PRKACB: variants seen among roughly 807,000 people sequenced by gnomAD.
The protein encoded by PRKACB is cAMP-dependent protein kinase catalytic subunit beta.
Under a neutral mutation model 51.4 loss-of-function variants are expected in PRKACB, and 16 were observed. The ratio of observed to expected loss-of-function variants is 0.31; its 90% CI spans 0.21 to 0.47. The LOEUF is 0.47. Ranked by LOEUF, PRKACB falls within the 20% of genes least tolerant of loss-of-function variation. The pLI is 1.00. For synonymous variants in PRKACB, 147 were observed against 154.4 expected (o/e 0.95, Z 0.35); for missense variants, 309 against 464.5 (o/e 0.67, Z 3.08).
intron 8 of PRKACB, among the ~76,000 whole-genome samples, chr1:84,206,015 C>A (rs971689605): frequency 2.6e-5 from 4 of 152,054 alleles, no homozygotes; most frequent in African/African-American, 9.7e-5. Flanking sequence ...CAGTTATGGT[C>A]TCTATAGCAC....
chr1:84,186,729 G>C (rs1163798521), intron 5 of PRKACB, among the ~76,000 whole-genome samples: 1 of 152,046 alleles, frequency 6.6e-6, no homozygotes, highest in African/African-American at 2.4e-5. Context: ...GACTTGTTCT[G>C]GTTGTCTCTG....
intron 1 of PRKACB, among the ~76,000 whole-genome samples, chr1:84,093,524 TAGA>T (rs1648684381): frequency 6.6e-6 from 1 of 152,054 alleles, no homozygotes; most frequent in African/African-American, 2.4e-5. Flanking sequence ...AACTTTATAA[TAGA>T]AGTCATCATA....
chr1:84,161,422 T>C (rs1049174123), intron 1 of PRKACB, among the ~76,000 whole-genome samples: 7 of 151,818 alleles, frequency 4.6e-5, no homozygotes, highest in African/African-American at 1.2e-4. Context: ...TCTGATAATT[T>C]CTGCCTTTTG....
At chr1:84,136,490 C>T (rs551450014) in intron 1 of PRKACB, among the ~76,000 whole-genome samples, 1 of 146,650 alleles carries the variant, frequency 6.8e-6, no homozygotes, top group African/African-American at 2.5e-5. Flanking sequence ...ACGGCCAAAA[C>T]CACACACACA....
chr1:84,181,011 CT>C (rs1341132645), intron 2 of PRKACB, among the ~76,000 whole-genome samples: 3 of 151,760 alleles, frequency 2.0e-5, no homozygotes, highest in Non-Finnish European at 4.4e-5. Context: ...ATTATAAGAG[CT>C]TTCTGTGTTG....
intron 8 of PRKACB, among the ~76,000 whole-genome samples, chr1:84,203,935 C>T (rs1044969871): frequency 6.6e-6 from 1 of 151,942 alleles, no homozygotes; most frequent in Admixed American, 6.6e-5. Context: ...AGTGTGAAAG[C>T]TTACCCTTGG....
At chr1:84,176,577 A>G (rs1661346631) in intron 1 of PRKACB, among the ~76,000 whole-genome samples, 1 of 150,216 alleles carries the variant, frequency 6.7e-6, no homozygotes, top group African/African-American at 2.4e-5. Flanking sequence ...AAAACTAGAG[A>G]TTTCATATGT....
At chr1:84,132,240 T>A (rs981170284) in intron 1 of PRKACB, among the ~76,000 whole-genome samples, 1 of 151,998 alleles carries the variant, frequency 6.6e-6, no homozygotes, top group Non-Finnish European at 1.5e-5. Flanking sequence ...AGCTCTGGTA[T>A]AATAACAATG....
intron 1 of PRKACB, among the ~76,000 whole-genome samples, chr1:84,083,235 G>A (rs1282912081): frequency 6.6e-6 from 1 of 152,136 alleles, no homozygotes; most frequent in African/African-American, 2.4e-5. Context: ...AGGTACTGGG[G>A]AAGTCTTTCT....
chr1:84,192,091 T>G (rs1666971628), intron 5 of PRKACB, among the ~76,000 whole-genome samples: 1 of 152,106 alleles, frequency 6.6e-6, no homozygotes, highest in African/African-American at 2.4e-5. Context: ...AATCATGAGA[T>G]AGTAAAACAA....
chr1:84,144,184 A>G (rs559810767), upstream of PRKACB: 164 of 1,258,600 alleles, frequency 1.3e-4, no homozygotes, highest in South Asian at 2.9e-3. Flanking sequence ...TGTTTTGCTA[A>G]GAAAAGCTCA....
intron 1 of PRKACB, among the ~76,000 whole-genome samples, chr1:84,104,515 G>A (rs1649585005): frequency 6.6e-6 from 1 of 152,030 alleles, no homozygotes; most frequent in Non-Finnish European, 1.5e-5. Flanking sequence ...GGGATTGCTG[G>A]ATTATATCTT....
At chr1:84,164,660 A>G (rs1170773165) in intron 1 of PRKACB, 2 of 1,396,764 alleles carry the variant, frequency 1.4e-6, no homozygotes, top group Non-Finnish European at 1.9e-6. Context: ...AATTGAGAAC[A>G]TCTTATACAT....
intron 1 of PRKACB, among the ~76,000 whole-genome samples, chr1:84,174,351 C>T (rs1219788966): frequency 6.6e-6 from 1 of 151,882 alleles, no homozygotes; most frequent in Non-Finnish European, 1.5e-5. Context: ...GCTGTATTCT[C>T]TATTATGCCT....
chr1:84,189,645 G>T (rs1485255674), intron 5 of PRKACB, among the ~76,000 whole-genome samples: 1 of 151,856 alleles, frequency 6.6e-6, no homozygotes, highest in Admixed American at 6.6e-5. Flanking sequence ...TTTACCTCAA[G>T]AAATGGAATT....
chr1:84,211,823 C>T (rs1457885480), intron 8 of PRKACB, among the ~76,000 whole-genome samples: 1 of 152,042 alleles, frequency 6.6e-6, no homozygotes, highest in African/African-American at 2.4e-5. Flanking sequence ...AAGTGTTTAG[C>T]ATAATGCCTA....
At chr1:84,124,095 T>G (rs1189713195) in intron 1 of PRKACB, among the ~76,000 whole-genome samples, 1 of 152,170 alleles carries the variant, frequency 6.6e-6, no homozygotes, top group African/African-American at 2.4e-5. Flanking sequence ...TTGAAGAAAT[T>G]AATCAATTTA....
intron 1 of PRKACB, among the ~76,000 whole-genome samples, chr1:84,119,674 C>T (rs1650908437): frequency 1.3e-5 from 2 of 152,042 alleles, no homozygotes. Context: ...AAGTTAATGA[C>T]CACGCCTTAT....
chr1:84,131,371 G>T (rs1264826254), intron 1 of PRKACB, among the ~76,000 whole-genome samples: 1 of 150,526 alleles, frequency 6.6e-6, no homozygotes, highest in Non-Finnish European at 1.5e-5. Flanking sequence ...ATTCTAAGTA[G>T]ACTTTGAAAA....
Sources: allele counts gnomAD v4.1 joint callset (sites outside exome capture counted in the v4.1 genomes callset), GRCh38; gene constraint gnomAD v4.1.1; transcripts MANE v1.5; gene names NCBI Gene and HGNC (gene_info 2026-07-23, HGNC 2026-07-21).